The following CDKL5 variants were observed in gnomAD, a reference collection of about 807,000 sequenced individuals.
CDKL5 encodes cyclin dependent kinase like 5, also known as cyclin-dependent kinase-like 5.
In CDKL5, 8 loss-of-function variants were observed where a neutral mutation model predicts 61.7. That is an observed-to-expected ratio of 0.13 (90% CI 0.08 to 0.23). CDKL5 has a LOEUF of 0.23. Among genes scored for constraint, CDKL5 ranks in the 10% least tolerant of loss-of-function variants. CDKL5 has a pLI of 1.00. For synonymous variants in CDKL5, 275 were observed against 272.3 expected, an observed-to-expected ratio of 1.01 and a Z score of -0.10; for missense variants, 440 against 734.5, an observed-to-expected ratio of 0.60 and a Z score of 4.63.
At chrX:18,480,446 C>T (rs757549354) in intron 1 of CDKL5, among the ~76,000 whole-genome samples, 7 of 111,893 alleles carry the variant, frequency 6.3e-5, no homozygotes, top group Non-Finnish European at 1.1e-4. Flanking sequence ...CTGGCTGAGG[C>T]GGTGTTTGTC....
chrX:18,486,973 A>G (rs756958155), intron 1 of CDKL5, among the ~76,000 whole-genome samples: 1 of 111,760 alleles, frequency 8.9e-6, no homozygotes, highest in Non-Finnish European at 1.9e-5. Context: ...AAAATCTCTA[A>G]ATATCTTGGT....
intron 3 of CDKL5, among the ~76,000 whole-genome samples, chrX:18,553,452 TTGTGTGTGTGTGCGTG>T (rs1371359885): frequency 9.8e-6 from 1 of 102,372 alleles, no homozygotes; most frequent in African/African-American, 3.7e-5. Flanking sequence ...TTGAAGGCAG[TTGTGTGTGTGTGCGTG>T]TGTGTGTGTG....
In CDKL5 at chrX:18,581,923, A is replaced by C. The variant is rs2147144038; in HGVS notation, c.436A>C (p.Asn146His). 1 of 1,198,500 alleles carries C rather than the reference A, an allele frequency of 8.3e-7. No homozygotes were observed. Among genetic ancestry groups the C allele is most frequent in the Non-Finnish European group, 1.1e-6 (1 of 884,129 alleles). The change falls in exon 7 of 18, where the codon AAT becomes CAT. Residue 146 changes from asparagine (N) to histidine (H), a missense_variant. Asn to His is a moderately conservative substitution (Grantham distance 68). This residue lies in a region of CDKL5 where 77 missense variants were observed against 218.2 expected (regional missense o/e 0.35). Coordinates refer to ENST00000623535, the MANE Select transcript of CDKL5 (RefSeq NM_001323289.2). ...IKPENLLISH[N>H]DVLKLCDFGF... ...ACCAGAAAATCTCTTAATCAGCCAC[A>C]ATGATGTCCTAAAACTGTGTGACTT...
At chrX:18,609,248 G>T (rs1336957746) in intron 13 of CDKL5, among the ~76,000 whole-genome samples, 2 of 110,380 alleles carry the variant, frequency 1.8e-5, no homozygotes, top group East Asian at 5.7e-4. Context: ...TAAAAAATTA[G>T]CTGGGTGTAG....
rs1927228697 is a variant in CDKL5 at position 18,631,249 on chromosome X, T to C, written c.*2492T>C. On this transcript the variant is annotated 3_prime_UTR_variant, in exon 18 of 18. Coordinates refer to ENST00000623535, the MANE Select transcript of CDKL5 (RefSeq NM_001323289.2). ...GAGTCAATACGTACTTTTTGTACTT[T>C]CCCAGATTTGAGCCAGAAAATACCT... 4 of 752,504 alleles carry C rather than the reference T, an allele frequency of 5.3e-6. No individual in the cohort carries two copies. The highest frequency in any genetic ancestry group is 2.3e-5 in the African/African-American group (1 of 43,259). The allele number at this position is 752,504 out of a possible 1,213,427, so 62.0% of individuals were successfully genotyped here.
At chrX:18,494,171 G>A (rs1298886971) in intron 1 of CDKL5, among the ~76,000 whole-genome samples, 2 of 112,025 alleles carry the variant, frequency 1.8e-5, no homozygotes, top group Non-Finnish European at 3.8e-5. Context: ...CTGCCTCAGC[G>A]TCCCAAAGTG....
Position 18,508,671 on chromosome X carries a change from T to C in CDKL5, c.64+1511T>C, listed in dbSNP as rs904700836. ...ATCTTCTTTGGGATTGGCTCAAAAT[T>C]ACCAGACTGTTATATATATATATAT... On this transcript the variant is annotated intron_variant, in intron 2 of 17. Transcript: ENST00000623535. Among the ~76,000 whole-genome samples, 7 of 109,500 alleles carry C rather than the reference T, an allele frequency of 6.4e-5. No homozygotes were observed. In the Admixed American group the frequency reaches 6.9e-4, roughly 11 times the overall value.
rs751978538 is a variant in CDKL5 at position 18,630,574 on chromosome X, A to G, written c.*1817A>G. 206 of 749,569 alleles carry G rather than the reference A, an allele frequency of 2.7e-4. No homozygotes were observed. The highest frequency in any genetic ancestry group is 3.1e-4 in the Non-Finnish European group (195 of 637,415). The allele number at this position is 749,569 out of a possible 1,213,427, so 61.8% of individuals were successfully genotyped here. A position where few individuals can be genotyped will look rare whatever the true frequency, so the allele number is the denominator to read the frequency against. ...GATGATTATGAAGATTATAAAGACT[A>G]AGGTCCTAGTTTCCCTGAAGCTTAA... is the stretch of plus-strand genomic sequence containing the variant. On this transcript the variant is annotated 3_prime_UTR_variant, in exon 18 of 18. Transcript: ENST00000623535.
At position 18,632,892 on chromosome X, in the gene CDKL5, T is replaced by C. The variant is rs1419300754; in HGVS notation, c.*4135T>C. The C allele has an allele frequency of 1.3e-6, 1 of 751,256 alleles. No homozygotes were observed. The highest frequency in any genetic ancestry group is 1.6e-6 in the Non-Finnish European group (1 of 637,501). The allele number at this position is 751,256 out of a possible 1,213,427, so 61.9% of individuals were successfully genotyped here. On this transcript the variant is annotated 3_prime_UTR_variant, in exon 18 of 18. Transcript: ENST00000623535. ...AGTAAATAAGGAAAAAAGCCATTTATTTTCTTCTAGCCATGTATTATTGAG... is the reference window on the plus strand; with the variant it reads ...AGTAAATAAGGAAAAAAGCCATTTACTTTCTTCTAGCCATGTATTATTGAG...
At chrX:18,482,526 G>T (rs894170509) in intron 1 of CDKL5, among the ~76,000 whole-genome samples, 1 of 111,230 alleles carries the variant, frequency 9.0e-6, no homozygotes, top group African/African-American at 3.3e-5. Context: ...TTTTGTGTGT[G>T]TATTGTTTCT....
At position 18,432,488 on chromosome X, in the gene CDKL5, C is replaced by T. The variant is rs757718695; in HGVS notation, c.-163+6793C>T. On this transcript the variant is annotated intron_variant, in intron 1 of 17. Coordinates refer to ENST00000623535, the MANE Select transcript of CDKL5 (RefSeq NM_001323289.2). ...ATCTCCTGGGCTCAAGCAATCTGCC[C>T]GCTTCGGCCTCCTAAAGTGCTAGGA... is the stretch of plus-strand genomic sequence containing the variant. 3.6e-5 allele frequency among the ~76,000 whole-genome samples: 4 copies of T among 110,701 alleles called. No homozygotes were observed. The Admixed American group carries it at 3.9e-4, about 11-fold the overall frequency.
chrX:18,554,707 C>T (rs1381495130), intron 3 of CDKL5, among the ~76,000 whole-genome samples: 5 of 111,174 alleles, frequency 4.5e-5, no homozygotes, highest in South Asian at 7.6e-4. Flanking sequence ...TGAGCCACTG[C>T]GCCTGGCCAT....
chrX:18,601,147 C>T lies in CDKL5; in HGVS notation c.977+2534C>T, dbSNP rs151138099. 4.5e-5 allele frequency among the ~76,000 whole-genome samples: 5 copies of T among 111,524 alleles called. No homozygotes were observed. In the East Asian group the frequency reaches 1.4e-3, roughly 32 times the overall value. The stretch of plus-strand genomic sequence containing the variant: ...GGAGACACAAACATGCTGTTGCATA[C>T]CTTGTCTTCTAAATTTTTTCTCTCT... On this transcript the variant is annotated intron_variant, in intron 11 of 17. Coordinates refer to ENST00000623535, the MANE Select transcript of CDKL5 (RefSeq NM_001323289.2).
At chrX:18,562,943 G>A (rs1363423057) in intron 3 of CDKL5, among the ~76,000 whole-genome samples, 1 of 112,299 alleles carries the variant, frequency 8.9e-6, no homozygotes, top group Non-Finnish European at 1.9e-5. Context: ...TGGTATAAAT[G>A]TGCCAGTTAC....
chrX:18,602,790 A>T (rs934331956), intron 11 of CDKL5, among the ~76,000 whole-genome samples: 1 of 112,070 alleles, frequency 8.9e-6, no homozygotes, highest in Non-Finnish European at 1.9e-5. Context: ...TGAACAAAAA[A>T]AAGTGACTTC....
chrX:18,481,697 G>A (rs1921586543), intron 1 of CDKL5, among the ~76,000 whole-genome samples: 1 of 109,772 alleles, frequency 9.1e-6, no homozygotes, highest in Non-Finnish European at 1.9e-5. Context: ...GTATTAGAAA[G>A]CAGGATCTAG....
intron 1 of CDKL5, among the ~76,000 whole-genome samples, chrX:18,468,026 C>T (rs894638438): frequency 8.9e-6 from 1 of 111,876 alleles, no homozygotes; most frequent in African/African-American, 3.2e-5. Context: ...TTAGTATCTT[C>T]AACCAGTCTA....
intron 1 of CDKL5, among the ~76,000 whole-genome samples, chrX:18,463,488 C>T (rs780673651): frequency 3.6e-5 from 4 of 111,799 alleles, no homozygotes; most frequent in South Asian, 3.7e-4. Context: ...TATACAATTC[C>T]GTAACAAATT....
chrX:18,518,986 C>T (rs1305963874), intron 3 of CDKL5, among the ~76,000 whole-genome samples: 1 of 110,908 alleles, frequency 9.0e-6, no homozygotes, highest in Non-Finnish European at 1.9e-5. Context: ...TAGTGAGAAC[C>T]TCTGTTTTAC....
Sources: allele counts gnomAD v4.1 joint callset (sites outside exome capture counted in the v4.1 genomes callset), GRCh38; gene constraint gnomAD v4.1.1; regional missense constraint gnomAD v4.1.1; transcripts MANE v1.5; gene names NCBI Gene and HGNC (gene_info 2026-07-23, HGNC 2026-07-21).